The following PIBF1 variants were observed in gnomAD, a reference collection of about 807,000 sequenced individuals.
The protein encoded by PIBF1 is progesterone immunomodulatory binding factor 1.
A neutral mutation model predicts 112.5 loss-of-function variants in PIBF1; 90 were observed. The observed-to-expected ratio is 0.80, with a 90% confidence interval of 0.67 to 0.95. The LOEUF (loss-of-function observed/expected upper bound fraction) is 0.95. PIBF1 is among the 40% of genes least tolerant of loss of function. The pLI is 0.00. For missense variants in PIBF1, 915 were observed against 852.3 expected (o/e 1.07, Z -0.92); for synonymous variants, 301 against 288.6 (o/e 1.04, Z -0.44).
Position 72,791,309 on chromosome 13 carries a change from C to G in PIBF1, c.253-1138C>G, listed in dbSNP as rs192716277. On this transcript the variant is annotated intron_variant, in intron 2 of 17. Transcript: ENST00000326291. ...GACCTTGTGATACACCCGCCTCATC[C>G]TCCCAAAGTGCTGGGATTACAGGTG... Among the ~76,000 whole-genome samples the G allele has an allele frequency of 1.1e-4, 16 of 152,244 alleles. No homozygotes were observed. The East Asian group carries it at 2.7e-3, about 26-fold the overall frequency.
intron 16 of PIBF1, among the ~76,000 whole-genome samples, chr13:72,996,311 C>T (rs2043670135): frequency 6.8e-6 from 1 of 146,794 alleles, no homozygotes; most frequent in Non-Finnish European, 1.5e-5. Flanking sequence ...AAAAGGAATG[C>T]AAAATAAACA....
chr13:73,008,258 G>T (rs2139052117), intron 17 of PIBF1, among the ~76,000 whole-genome samples: 1 of 152,282 alleles, frequency 6.6e-6, no homozygotes, highest in Admixed American at 6.5e-5. Context: ...AAAATATGCT[G>T]TTTCCATGCC....
intron 17 of PIBF1, among the ~76,000 whole-genome samples, chr13:73,008,941 C>G (rs1314684656): frequency 6.6e-6 from 1 of 152,200 alleles, no homozygotes; most frequent in African/African-American, 2.4e-5. Flanking sequence ...ACTGCTAGTT[C>G]AGCAGCTTTA....
At chr13:72,935,643 A>G (rs2041849212) in intron 14 of PIBF1, among the ~76,000 whole-genome samples, 1 of 152,160 alleles carries the variant, frequency 6.6e-6, no homozygotes. Context: ...TGTTTGTACC[A>G]TTTTACATTT....
chr13:72,910,415 C>T (rs1381708016), intron 12 of PIBF1, among the ~76,000 whole-genome samples: 2 of 152,288 alleles, frequency 1.3e-5, no homozygotes, highest in South Asian at 4.1e-4. Flanking sequence ...TTGAAAGTTT[C>T]ATACTCTTTC....
At chr13:72,998,640 T>C (rs994533843) in intron 16 of PIBF1, among the ~76,000 whole-genome samples, 182 bp from the exon 17 acceptor site, 2 of 152,236 alleles carry the variant, frequency 1.3e-5, no homozygotes, top group African/African-American at 2.4e-5. Flanking sequence ...TTGTCAGTTA[T>C]ATTAAATGAG....
intron 13 of PIBF1, among the ~76,000 whole-genome samples, chr13:72,921,360 A>G (rs1437019655): frequency 1.3e-5 from 2 of 152,112 alleles, no homozygotes; most frequent in South Asian, 4.1e-4. Flanking sequence ...CAATCTGCCC[A>G]CCACGGCCTC....
At chr13:72,786,365 A>G (rs183487344) in intron 2 of PIBF1, among the ~76,000 whole-genome samples, 6 of 152,286 alleles carry the variant, frequency 3.9e-5, no homozygotes, top group African/African-American at 1.4e-4. Context: ...TCATTCCTAT[A>G]GCTCATTCCA....
chr13:72,799,865 C>A (rs1189189661), intron 5 of PIBF1, among the ~76,000 whole-genome samples: 1 of 152,148 alleles, frequency 6.6e-6, no homozygotes, highest in Non-Finnish European at 1.5e-5. Flanking sequence ...TTTAAAATAA[C>A]CTTAATATTT....
chr13:72,819,607 T>C (rs562900723), intron 5 of PIBF1, among the ~76,000 whole-genome samples: 3 of 152,236 alleles, frequency 2.0e-5, no homozygotes, highest in Middle Eastern at 6.8e-3. Context: ...TCTGAGACTT[T>C]CCAAGCCTCA....
intron 14 of PIBF1, among the ~76,000 whole-genome samples, chr13:72,950,149 T>G (rs1156462760): frequency 2.0e-5 from 3 of 152,230 alleles, no homozygotes; most frequent in Non-Finnish European, 4.4e-5. Flanking sequence ...TTGAACAAAT[T>G]GGCTGTGGTT....
At chr13:72,814,647 T>C (rs778553615) in intron 5 of PIBF1, among the ~76,000 whole-genome samples, 2 of 151,746 alleles carry the variant, frequency 1.3e-5, no homozygotes, top group Non-Finnish European at 2.9e-5. Context: ...AATAAAACAA[T>C]GAAAATGAGA....
intron 4 of PIBF1, among the ~76,000 whole-genome samples, chr13:72,797,564 A>G (rs2035255360): frequency 6.6e-6 from 1 of 152,192 alleles, no homozygotes; most frequent in Admixed American, 6.5e-5. Context: ...TCTCTAGCAG[A>G]AGAAACAGCA....
At chr13:72,958,578 A>G (rs190572311) in intron 14 of PIBF1, among the ~76,000 whole-genome samples, 2 of 152,102 alleles carry the variant, frequency 1.3e-5, no homozygotes, top group African/African-American at 2.4e-5. Flanking sequence ...ATAGCTCTAC[A>G]CTAAGATCCC....
At chr13:73,002,043 CAT>C (rs2043886195) in intron 17 of PIBF1, among the ~76,000 whole-genome samples, 1 of 152,106 alleles carries the variant, frequency 6.6e-6, no homozygotes. Context: ...TTTGAAATGA[CAT>C]ATGTGACAGA....
intron 9 of PIBF1, among the ~76,000 whole-genome samples, chr13:72,842,392 A>T (rs1228341584): frequency 1.3e-5 from 2 of 152,186 alleles, no homozygotes; most frequent in African/African-American, 2.4e-5. Context: ...AGAAAAAGAG[A>T]TTGAAAAGAT....
rs556950793 is a variant in PIBF1 at position 72,866,646 on chromosome 13, T to TA, written c.1322+12492dup. ...ACATTAAGATTAAAGAAACAGTAGT[T>TA]ATACATTTTTAACAGATACAGTATA... On this transcript the variant is annotated intron_variant, in intron 10 of 17. Transcript: ENST00000326291. 7.0e-4 allele frequency among the ~76,000 whole-genome samples: 106 copies of TA among 152,220 alleles called. 1 individual carries two copies. Among genetic ancestry groups the TA allele is most frequent in the African/African-American group, 2.6e-3 (106 of 41,558 alleles).
chr13:72,853,917 C>G (rs1381520982), intron 9 of PIBF1, 140 bp from the exon 10 acceptor site: 1 of 613,624 alleles, frequency 1.6e-6, no homozygotes, highest in Non-Finnish European at 2.9e-6. Flanking sequence ...CTCAACCAAG[C>G]CAAGCAGGTT....
intron 14 of PIBF1, among the ~76,000 whole-genome samples, chr13:72,949,796 A>AT (rs939975219): frequency 4.9e-5 from 7 of 143,992 alleles, no homozygotes; most frequent in Admixed American, 1.4e-4. Flanking sequence ...TTTTATTATT[A>AT]TTTTTTTAAC....
Sources: gnomAD v4.1 joint callset for allele counts (sites outside exome capture counted in the v4.1 genomes callset) on GRCh38, gnomAD v4.1.1 for gene constraint, MANE v1.5 for transcripts, NCBI Gene and HGNC (gene_info 2026-07-23, HGNC 2026-07-21) for gene names.